Variants in SGCZ observed in about 807,000 individuals in gnomAD.
SGCZ encodes the protein zeta-sarcoglycan.
In SGCZ, 40 loss-of-function variants were observed where a neutral mutation model predicts 41.3. The observed-to-expected ratio is 0.97, with a 90% CI of 0.75 to 1.26. The LOEUF is 1.26. SGCZ is among the 50% of genes most tolerant of loss of function. The pLI, the probability that SGCZ is intolerant of heterozygous loss-of-function variation, is 0.00. For missense variants in SGCZ, 552 were observed against 369.8 expected (o/e 1.49, Z -4.04); for synonymous variants, 206 against 137.5 (o/e 1.50, Z -3.49).
intron 4 of SGCZ, among the ~76,000 whole-genome samples, chr8:14,188,804 TTTTG>T (rs1481510964): frequency 2.0e-4 from 26 of 132,386 alleles, no homozygotes; most frequent in Admixed American, 3.1e-4. Flanking sequence ...CTTGTTTTTT[TTTTG>T]TTTGTTTGTT....
intron 1 of SGCZ, among the ~76,000 whole-genome samples, chr8:14,955,226 G>T (rs1439122734): frequency 1.3e-5 from 2 of 151,980 alleles, no homozygotes; most frequent in Non-Finnish European, 2.9e-5. Context: ...CTTGTCACTT[G>T]CTTCTTTTCT....
At chr8:14,786,262 T>A (rs999455757) in intron 1 of SGCZ, among the ~76,000 whole-genome samples, 2 of 152,112 alleles carry the variant, frequency 1.3e-5, no homozygotes, top group Non-Finnish European at 2.9e-5. Context: ...CATTAAACAT[T>A]TTAAATACAA....
chr8:14,879,480 A>G (rs1321188589), intron 1 of SGCZ, among the ~76,000 whole-genome samples: 2 of 152,104 alleles, frequency 1.3e-5, no homozygotes, highest in Non-Finnish European at 2.9e-5. Context: ...TTTAAAATTG[A>G]CACTCTTGGG....
chr8:14,277,876 G>A (rs1334289073), intron 3 of SGCZ, among the ~76,000 whole-genome samples: 1 of 151,804 alleles, frequency 6.6e-6, no homozygotes, highest in East Asian at 1.9e-4. Flanking sequence ...CAAATAACCA[G>A]GAAAGATTAA....
intron 3 of SGCZ, among the ~76,000 whole-genome samples, chr8:14,245,719 A>G (rs1799063445): frequency 6.6e-6 from 1 of 152,178 alleles, no homozygotes; most frequent in Admixed American, 6.6e-5. Flanking sequence ...TAATATCCAG[A>G]ATCAACAATG....
At chr8:14,975,873 T>TACAC (rs10542601) in intron 1 of SGCZ, among the ~76,000 whole-genome samples, 36 of 141,306 alleles carry the variant, frequency 2.5e-4, no homozygotes, top group Admixed American at 7.9e-4. Context: ...AGAAAAATTT[T>TACAC]ACACACACAC....
intron 4 of SGCZ, among the ~76,000 whole-genome samples, chr8:14,215,736 A>C (rs1470433505): frequency 6.6e-6 from 1 of 152,198 alleles, no homozygotes; most frequent in East Asian, 1.9e-4. Flanking sequence ...TGTACATATA[A>C]AAATAAAACA....
chr8:14,619,386 C>A (rs973533771), intron 1 of SGCZ, among the ~76,000 whole-genome samples: 17 of 152,142 alleles, frequency 1.1e-4, no homozygotes, highest in Non-Finnish European at 2.4e-4. Context: ...GCACAAGACA[C>A]GGATGCCCTC....
intron 1 of SGCZ, among the ~76,000 whole-genome samples, chr8:14,626,430 A>G (rs977593554): frequency 5.3e-5 from 8 of 152,058 alleles, no homozygotes; most frequent in Non-Finnish European, 1.2e-4. Context: ...TAGGTTTAAT[A>G]TTTGTTCTTT....
chr8:14,827,217 T>C (rs1802360618), intron 1 of SGCZ, among the ~76,000 whole-genome samples: 1 of 149,836 alleles, frequency 6.7e-6, no homozygotes, highest in Non-Finnish European at 1.5e-5. Flanking sequence ...TCTGTTTATA[T>C]CACATTTTCT....
intron 1 of SGCZ, among the ~76,000 whole-genome samples, chr8:14,886,213 A>G (rs1049115736): frequency 2.6e-5 from 4 of 151,588 alleles, no homozygotes; most frequent in African/African-American, 9.7e-5. Context: ...AGCATACTTC[A>G]TTTCAACAAA....
intron 5 of SGCZ, among the ~76,000 whole-genome samples, chr8:14,129,345 CAAAAAAA>C (rs534660638): frequency 4.5e-4 from 20 of 44,146 alleles, no homozygotes; most frequent in Admixed American, 3.3e-3. Context: ...GACTCCGTCT[CAAAAAAA>C]AAAAAAAAAA....
At chr8:15,196,244 A>T (rs1443543558) in intron 1 of SGCZ, among the ~76,000 whole-genome samples, 1 of 152,220 alleles carries the variant, frequency 6.6e-6, no homozygotes, top group Non-Finnish European at 1.5e-5. Flanking sequence ...GCCACCTTAT[A>T]AATCAGATGC....
chr8:15,217,150 G>A (rs922211718), intron 1 of SGCZ, among the ~76,000 whole-genome samples: 19 of 152,254 alleles, frequency 1.2e-4, no homozygotes, highest in African/African-American at 4.3e-4. Flanking sequence ...GGGCGCGGTG[G>A]CTCACGCCTG....
rs73535216 is a variant in SGCZ at position 14,573,857 on chromosome 8, T to A, written c.40-18931A>T. ...AATAAGAAATGGAAGAGTTTTCTGATTAGACCATGAAAAAATAAAATGGCC... is the reference window on the plus strand; with the variant it reads ...AATAAGAAATGGAAGAGTTTTCTGAATAGACCATGAAAAAATAAAATGGCC... On this transcript the variant is annotated intron_variant, in intron 1 of 7. Transcript: ENST00000382080. Among the ~76,000 whole-genome samples, 1,093 of 152,244 alleles carry A rather than the reference T, an allele frequency of 7.2e-3. 10 individuals are homozygous for A. The highest frequency in any genetic ancestry group is 0.025 in the African/African-American group (1,041 of 41,534).
At chr8:15,119,231 T>G (rs1436329078) in intron 1 of SGCZ, among the ~76,000 whole-genome samples, 1 of 152,008 alleles carries the variant, frequency 6.6e-6, no homozygotes, top group Non-Finnish European at 1.5e-5. Context: ...ACCAAATAAA[T>G]CCTCTGAAAA....
intron 1 of SGCZ, among the ~76,000 whole-genome samples, chr8:14,572,011 T>C (rs983226703): frequency 5.9e-5 from 9 of 152,184 alleles, no homozygotes; most frequent in African/African-American, 2.2e-4. Flanking sequence ...ACTTAAAAAT[T>C]TGAAAGAGTG....
At chr8:14,845,674 C>CAACT (rs1408619752) in intron 1 of SGCZ, among the ~76,000 whole-genome samples, 2 of 152,062 alleles carry the variant, frequency 1.3e-5, no homozygotes, top group East Asian at 3.9e-4. Context: ...TCAGAGATGA[C>CAACT]AACTACAACA....
At chr8:14,128,618 AT>A (rs1394727828) in intron 5 of SGCZ, among the ~76,000 whole-genome samples, 2 of 152,210 alleles carry the variant, frequency 1.3e-5, no homozygotes, top group African/African-American at 4.8e-5. Flanking sequence ...CTGCAGCACT[AT>A]TCACAATATC....
Sources: allele counts gnomAD v4.1 joint callset (sites outside exome capture counted in the v4.1 genomes callset), GRCh38; gene constraint gnomAD v4.1.1; transcripts MANE v1.5; gene names NCBI Gene and HGNC (gene_info 2026-07-23, HGNC 2026-07-21).